Variants in SPTBN2 observed in about 807,000 individuals in gnomAD.
SPTBN2 encodes spectrin beta, non-erythrocytic 2.
Under a neutral mutation model 284.2 loss-of-function variants are expected in SPTBN2, and 107 were observed. That is an observed-to-expected ratio of 0.38 (90% CI 0.32 to 0.44). The LOEUF (loss-of-function observed/expected upper bound fraction) is 0.44. Ranked by LOEUF, SPTBN2 falls within the 20% of genes least tolerant of loss-of-function variation. The pLI, the probability that SPTBN2 is intolerant of heterozygous loss-of-function variation, is 1.00. For synonymous variants in SPTBN2, 1,289 were observed against 1,354.8 expected (o/e 0.95, Z 1.07); for missense variants, 2,569 against 3,287.1 (o/e 0.78, Z 5.34).
At chr11:66,697,148 C>T (rs1004297824) in intron 20 of SPTBN2, among the ~76,000 whole-genome samples, 4 of 152,162 alleles carry the variant, frequency 2.6e-5, no homozygotes, top group Non-Finnish European at 5.9e-5. Context: ...GTTCCATCTA[C>T]ACCCCCGCAG....
At position 66,708,243 on chromosome 11, in the gene SPTBN2, C is replaced by A; in HGVS notation, c.1248G>T (p.Glu416Asp). 9 of 1,610,490 alleles carry A rather than the reference C, an allele frequency of 5.6e-6. No individual in the cohort carries two copies. Among genetic ancestry groups the A allele is most frequent in the Non-Finnish European group, 7.6e-6 (9 of 1,178,192 alleles). ...GCTCCAGCTTCTCCTGGCGGATGAG[C>A]TCGGTGCGCAGGGCCAGCTCACGCT... ...EHERELALRTELIRQEKLEQL... is the reference protein window; with the variant it reads ...EHERELALRTDLIRQEKLEQL... Residue 416 changes from glutamate (E) to aspartate (D), a missense_variant, in exon 12 of 38, where the codon GAG becomes GAT. By Grantham distance (45) the Glu-to-Asp change is conservative. Around this residue, in one of 6 missense-constraint regions of SPTBN2, gnomAD observed 1,012 missense variants for 1,248.9 expected, o/e 0.81. Transcript: ENST00000533211. The surrounding 1 kb of genome is among the most constrained non-coding windows in gnomAD (Gnocchi z 4.4).
chr11:66,692,832 C>T (rs1287335309), intron 25 of SPTBN2, 92 bp from the exon 26 acceptor site: 3 of 1,595,690 alleles, frequency 1.9e-6, no homozygotes, highest in Admixed American at 3.3e-5. Context: ...CTGAGTCTCC[C>T]AACAGCTCGC....
At chr11:66,735,441 GGCTCACGCCTGTA>G (rs779830710) in intron 1 of SPTBN2, among the ~76,000 whole-genome samples, 3 of 152,158 alleles carry the variant, frequency 2.0e-5, no homozygotes, top group Non-Finnish European at 4.4e-5. Flanking sequence ...TGGGCATGGT[GGCTCACGCCTGTA>G]GCCCTAGCAC....
intron 15 of SPTBN2, among the ~76,000 whole-genome samples, chr11:66,702,189 T>TG (rs199529483): frequency 0.012 from 1,816 of 152,314 alleles, 10 homozygotes; most frequent in Middle Eastern, 0.017. Flanking sequence ...GTTTTTGAGA[T>TG]GGAGTCTCGC....
At chr11:66,701,554 A>T in intron 16 of SPTBN2, 30 bp downstream of exon 16, 1 of 1,613,936 alleles carries the variant, frequency 6.2e-7, no homozygotes, top group Non-Finnish European at 8.5e-7. Context: ...TTTTTCTGTC[A>T]GTTTCCTGGT....
chr11:66,684,070 A>C lies in SPTBN2; in HGVS notation c.*1801T>G, dbSNP rs2135272503. Among the ~76,000 whole-genome samples, 1 of 152,304 alleles carries C rather than the reference A, an allele frequency of 6.6e-6. No homozygotes were observed. The highest frequency in any genetic ancestry group is 2.1e-4 in the South Asian group (1 of 4,824). On this transcript the variant is annotated 3_prime_UTR_variant, in exon 38 of 38. Transcript: ENST00000533211. Reference sequence around the variant, plus strand: ...GCCCACTCTGGGGCTGTGATGTGCTAGTTCTGGGCCTGCACACACCTAACT... The same window carrying C: ...GCCCACTCTGGGGCTGTGATGTGCTCGTTCTGGGCCTGCACACACCTAACT...
At chr11:66,719,993 G>T (rs1198694763) in intron 3 of SPTBN2, among the ~76,000 whole-genome samples, 1 of 152,178 alleles carries the variant, frequency 6.6e-6, no homozygotes, top group Non-Finnish European at 1.5e-5. Context: ...CCACAAGGGG[G>T]TCCTCAGACT....
Position 66,718,090 on chromosome 11 carries a change from G to A in SPTBN2, c.158-2109C>T, listed in dbSNP as rs1456205749. 2.6e-5 allele frequency among the ~76,000 whole-genome samples: 4 copies of A among 152,112 alleles called. No individual in the cohort carries two copies. Among genetic ancestry groups the A allele is most frequent in the South Asian group, 2.1e-4 (1 of 4,832 alleles). ...TGGCCAGCGCTCCACCGCCAGATCC[G>A]GATCCACCTCAGAGGCACTGCTGGC... is the stretch of plus-strand genomic sequence containing the variant. On this transcript the variant is annotated intron_variant, in intron 3 of 37. Transcript: ENST00000533211. This position sits in a 1 kb window ranked among gnomAD's most constrained non-coding sequence, Gnocchi z 4.8.
intron 30 of SPTBN2, 94 bp from the exon 31 acceptor site, chr11:66,688,943 G>GA: frequency 6.6e-7 from 1 of 1,521,318 alleles, no homozygotes. Context: ...GGGACACAGA[G>GA]AAAGCCACTG....
At chr11:66,727,662 C>T (rs1942669337) in intron 1 of SPTBN2, among the ~76,000 whole-genome samples, 1 of 152,136 alleles carries the variant, frequency 6.6e-6, no homozygotes, top group African/African-American at 2.4e-5. Flanking sequence ...CCCTCTCCCA[C>T]ACACTGTGGG....
At chr11:66,734,124 T>C (rs1338805885), upstream of SPTBN2, among the ~76,000 whole-genome samples, 1 of 152,178 alleles carries the variant, frequency 6.6e-6, no homozygotes, top group African/African-American at 2.4e-5. Context: ...TGTTATGGGG[T>C]TGCCATTCTC....
Position 66,693,112 on chromosome 11 carries a change from G to A in SPTBN2, c.4855-12C>T. ...GCACTCAGCTCATCCTGGGGGAAGG[G>A]ACAGTGGCATCCAGCATCAGGTCAG... On this transcript the variant is annotated splice_polypyrimidine_tract_variant and intron_variant, in intron 24 of 37. Coordinates refer to ENST00000533211, the MANE Select transcript of SPTBN2 (RefSeq NM_006946.4). The surrounding 1 kb of genome is among the most constrained non-coding windows in gnomAD (Gnocchi z 5.7). 1 of 1,614,204 alleles carries A rather than the reference G, an allele frequency of 6.2e-7. No individual in the cohort carries two copies. The highest frequency in any genetic ancestry group is 8.5e-7 in the Non-Finnish European group (1 of 1,180,034).
At position 66,686,875 on chromosome 11, in the gene SPTBN2, C is replaced by G. The variant is rs551527208; in HGVS notation, c.6896+119G>C. 391 of 1,375,036 alleles carry G rather than the reference C, an allele frequency of 2.8e-4. 6 individuals are homozygous for G. In the South Asian group the frequency reaches 3.5e-3, roughly 12 times the overall value. The allele number at this position is 1,375,036 out of a possible 1,614,324, so 85.2% of individuals were successfully genotyped here. A position where few individuals can be genotyped will look rare whatever the true frequency, so the allele number is the denominator to read the frequency against. ...ATCTACACTATCCCCAAGTGGCTGG[C>G]CTGGTTACTCCACTCAGGCTCCTTA... On this transcript the variant is annotated intron_variant, in intron 36 of 37. Coordinates refer to ENST00000533211, the MANE Select transcript of SPTBN2 (RefSeq NM_006946.4).
chr11:66,727,030 T>C (rs887798079), intron 1 of SPTBN2, among the ~76,000 whole-genome samples: 1 of 152,188 alleles, frequency 6.6e-6, no homozygotes, highest in African/African-American at 2.4e-5. Flanking sequence ...ACTGAAATTT[T>C]ATTTTCTCTT....
Position 66,715,102 on chromosome 11 carries a change from T to C in SPTBN2, c.483+120A>G. On this transcript the variant is annotated intron_variant, in intron 5 of 37. Coordinates refer to ENST00000533211, the MANE Select transcript of SPTBN2 (RefSeq NM_006946.4). This position sits in a 1 kb window ranked among gnomAD's most constrained non-coding sequence, Gnocchi z 5.3. The stretch of plus-strand genomic sequence containing the variant: ...GCTTGGATAGCGCCGCCATGGCAGC[T>C]GCTACATAAGGTTCTAGATCCTCCA... The C allele has an allele frequency of 7.7e-7, 1 of 1,305,194 alleles. No individual in the cohort carries two copies. Among genetic ancestry groups the C allele is most frequent in the Non-Finnish European group, 1.1e-6 (1 of 920,270 alleles). 80.9% of individuals were successfully genotyped at this position (1,305,194 alleles called of 1,614,324 possible). A position where few individuals can be genotyped will look rare whatever the true frequency, so the allele number is the denominator to read the frequency against.
chr11:66,690,279 T>C lies in SPTBN2; in HGVS notation c.5570A>G (p.Gln1857Arg). The C allele has an allele frequency of 6.2e-7, 1 of 1,606,910 alleles. No homozygotes were observed. Among genetic ancestry groups the C allele is most frequent in the Non-Finnish European group, 8.5e-7 (1 of 1,177,328 alleles). Residue 1857 changes from glutamine to arginine, a missense_variant, in exon 28 of 38, where the codon CAG becomes CGG. Around this residue, in one of 6 missense-constraint regions of SPTBN2, gnomAD observed 1,130 missense variants for 1,317.3 expected, o/e 0.86. Transcript: ENST00000533211. ...HDIQALSPQV[Q>R]QVQDDGHRLQ... is the part of the protein sequence containing the mutation. ...CCGGTGGCCGTCGTCCTGCACCTGC[T>C]GGACCTGCGGAGCCCCGGGTCAGAG...
rs936810978 is a variant in SPTBN2, at chr11:66,691,726, C to T, written c.5191-68G>A. 18 of 1,604,806 alleles carry T rather than the reference C, an allele frequency of 1.1e-5. No homozygotes were observed. Among genetic ancestry groups the T allele is most frequent in the Non-Finnish European group, 1.4e-5 (16 of 1,178,310 alleles). ...GGGATGTGGTCCCTGCCTGATGGAG[C>T]GAGTCCTCCACTCCAAACTCAGAAC... On this transcript the variant is annotated intron_variant, in intron 26 of 37. Coordinates refer to ENST00000533211, the MANE Select transcript of SPTBN2 (RefSeq NM_006946.4). This position sits in a 1 kb window ranked among gnomAD's most constrained non-coding sequence, Gnocchi z 8.0.
rs374033075 is a variant in SPTBN2, at chr11:66,700,541, G to A, written c.3558C>T (p.Gly1186=). The part of the protein sequence containing the change: ...GFLRDARQAE[G]VLSSQEYVLS... Reference sequence around the variant, plus strand: ...GGACTTTCACCTGGCTGCTGAGCACGCCCTCAGCCTGACGAGCATCCCGCA... The same window carrying A: ...GGACTTTCACCTGGCTGCTGAGCACACCCTCAGCCTGACGAGCATCCCGCA... Residue 1186 remains glycine (G), a synonymous_variant, in exon 17 of 38, where the codon GGC becomes GGT. Transcript: ENST00000533211. This position sits in a 1 kb window ranked among gnomAD's most constrained non-coding sequence, Gnocchi z 6.6. 4.2e-5 allele frequency: 68 copies of A among 1,604,722 alleles called. No individual in the cohort carries two copies. The highest frequency in any genetic ancestry group is 1.1e-4 in the African/African-American group (8 of 75,034).
At chr11:66,726,902 G>C (rs1222369739) in intron 1 of SPTBN2, among the ~76,000 whole-genome samples, 1 of 152,158 alleles carries the variant, frequency 6.6e-6, no homozygotes, top group Non-Finnish European at 1.5e-5. Flanking sequence ...CTCCAGGAAG[G>C]CAAGAGAAAG....
Sources: gnomAD v4.1 joint callset for allele counts (sites outside exome capture counted in the v4.1 genomes callset) on GRCh38, gnomAD v4.1.1 for gene constraint, gnomAD v4.1.1 regional missense constraint, Gnocchi (gnomAD v3.1) non-coding constraint, MANE v1.5 for transcripts, NCBI Gene and HGNC (gene_info 2026-07-23, HGNC 2026-07-21) for gene names.